Variants in PXMP2 observed in about 807,000 individuals in gnomAD.
PXMP2 encodes 22 kDa peroxisomal membrane protein.
A neutral mutation model predicts 20.2 loss-of-function variants in PXMP2; 13 were observed. The observed-to-expected ratio is 0.64, with a 90% CI of 0.42 to 1.02. PXMP2 has a LOEUF of 1.02. Among genes scored for constraint, PXMP2 ranks in the 50% least tolerant of loss-of-function variants. PXMP2 has a pLI of 0.00. For synonymous variants in PXMP2, 113 were observed against 111.2 expected (o/e 1.02, Z -0.10); for missense variants, 284 against 251.8 (o/e 1.13, Z -0.87).
chr12:132,690,544 C>CAT (rs774998193), intron 2 of PXMP2, among the ~76,000 whole-genome samples, 168 bp downstream of exon 2: 3 of 151,024 alleles, frequency 2.0e-5, no homozygotes, highest in Non-Finnish European at 4.4e-5. Context: ...GTTTGTATGG[C>CAT]ATATATACGC....
intron 4 of PXMP2, among the ~76,000 whole-genome samples, chr12:132,704,068 A>C (rs1215106143): frequency 1.3e-5 from 2 of 152,112 alleles, no homozygotes; most frequent in African/African-American, 4.8e-5. Context: ...ATGCTGCTAG[A>C]CTCGGAGACG....
At chr12:132,695,174 T>C (rs1218005672) in intron 2 of PXMP2, among the ~76,000 whole-genome samples, 1 of 151,734 alleles carries the variant, frequency 6.6e-6, no homozygotes, top group African/African-American at 2.4e-5. Flanking sequence ...AGTTAGTTAG[T>C]GAGCGCCCTT....
At chr12:132,699,916 A>T (rs532208869) in intron 3 of PXMP2, among the ~76,000 whole-genome samples, 6 of 151,560 alleles carry the variant, frequency 4.0e-5, no homozygotes, top group Non-Finnish European at 7.4e-5. Flanking sequence ...TGGTGGTTCT[A>T]TTTTCAGGTC....
At chr12:132,701,450 CCCT>C in intron 4 of PXMP2, 81 bp downstream of exon 4, 1 of 1,498,174 alleles carries the variant, frequency 6.7e-7, no homozygotes, top group Admixed American at 1.9e-5. Flanking sequence ...TTTCCTCCCC[CCCT>C]CCCTCCCCTC....
intron 4 of PXMP2, among the ~76,000 whole-genome samples, 169 bp from the exon 5 acceptor site, chr12:132,704,450 G>A (rs1724376608): frequency 6.6e-6 from 1 of 152,164 alleles, no homozygotes; most frequent in African/African-American, 2.4e-5. Flanking sequence ...TCTGCTAGGG[G>A]CCTAGCACAG....
At chr12:132,699,705 T>G (rs893766190) in intron 3 of PXMP2, among the ~76,000 whole-genome samples, 2 of 151,830 alleles carry the variant, frequency 1.3e-5, no homozygotes, top group Non-Finnish European at 2.9e-5. Context: ...GAGTTCATTC[T>G]TTTTTTTATA....
chr12:132,693,740 G>A (rs1357387934), intron 2 of PXMP2, among the ~76,000 whole-genome samples: 7 of 136,300 alleles, frequency 5.1e-5, no homozygotes, highest in African/African-American at 1.4e-4. Context: ...TTGCCAGTTA[G>A]TTAGTGAGCT....
chr12:132,699,242 C>T (rs1202328442), intron 3 of PXMP2, among the ~76,000 whole-genome samples: 1 of 151,978 alleles, frequency 6.6e-6, no homozygotes, highest in Non-Finnish European at 1.5e-5. Flanking sequence ...CAGAGTGAGA[C>T]CCCTTCTCTA....
Position 132,701,417 on chromosome 12 carries a change from T to TTTCCTTCC in PXMP2, c.519+62_519+69dup, listed in dbSNP as rs549705164. The TTTCCTTCC allele has an allele frequency of 4.4e-6, 7 of 1,585,850 alleles. No homozygotes were observed. In the African/African-American group the frequency reaches 9.4e-5, roughly 21 times the overall value. ...TCTGCTAACATTACTTTGTCAGCCTTTTCCTTCCTTCCTTCCTTCCTCTTT... is the reference window on the plus strand; with the variant it reads ...TCTGCTAACATTACTTTGTCAGCCTTTTCCTTCCTTCCTTCCTTCCTTCCTTCCTCTTT... On this transcript the variant is annotated intron_variant, in intron 4 of 4. Transcript: ENST00000317479.
At chr12:132,688,175 G>T (rs1363264432) in intron 1 of PXMP2, 2 of 190,266 alleles carry the variant, frequency 1.1e-5, no homozygotes, top group Non-Finnish European at 2.2e-5. Context: ...GGTGAAGACA[G>T]GGCGAGGGGA....
At position 132,690,425 on chromosome 12, in the gene PXMP2, C is replaced by G. The variant is rs777009456; in HGVS notation, c.236+49C>G. The G allele has an allele frequency of 2.1e-6, 3 of 1,420,788 alleles. No homozygotes were observed. In the African/African-American group the frequency reaches 4.3e-5, roughly 20 times the overall value. The allele number at this position is 1,420,788 out of a possible 1,614,324, so 88.0% of individuals were successfully genotyped here. Reference sequence around the variant, plus strand: ...TTTACCTTGTAGCCGCTGAGTGCAACCAAGCTGGGCACCAAAACCGAGTAG... The same window carrying G: ...TTTACCTTGTAGCCGCTGAGTGCAAGCAAGCTGGGCACCAAAACCGAGTAG... On this transcript the variant is annotated intron_variant, in intron 2 of 4. Transcript: ENST00000317479.
chr12:132,692,739 CT>C (rs2136061197), intron 2 of PXMP2, among the ~76,000 whole-genome samples: 1 of 127,676 alleles, frequency 7.8e-6, no homozygotes, highest in East Asian at 2.3e-4. Context: ...AGTGAGCTCC[CT>C]TAGCCAGTTA....
intron 3 of PXMP2, among the ~76,000 whole-genome samples, chr12:132,700,662 T>G (rs897375438): frequency 1.3e-5 from 2 of 152,118 alleles, no homozygotes; most frequent in African/African-American, 4.8e-5. Context: ...TGCAGAAGCT[T>G]TTTTGTTTAA....
intron 3 of PXMP2, among the ~76,000 whole-genome samples, chr12:132,698,793 A>G (rs1447463240): frequency 6.6e-6 from 1 of 151,944 alleles, no homozygotes; most frequent in Non-Finnish European, 1.5e-5. Context: ...CGCCTGGCTA[A>G]TTTTTGTATT....
chr12:132,698,685 G>A (rs551900634), intron 3 of PXMP2, among the ~76,000 whole-genome samples: 1 of 152,176 alleles, frequency 6.6e-6, no homozygotes, highest in Non-Finnish European at 1.5e-5. Context: ...GGAGTGTGGT[G>A]GCACAATATC....
At chr12:132,697,393 T>TTTTA (rs139781321) in intron 3 of PXMP2, among the ~76,000 whole-genome samples, 30,608 of 150,006 alleles carry the variant, frequency 0.2, 3,706 homozygotes, top group African/African-American at 0.33. Flanking sequence ...TGTAGTCCTA[T>TTTTA]TTTATTTATT....
At chr12:132,704,000 G>A (rs2136070063) in intron 4 of PXMP2, among the ~76,000 whole-genome samples, 1 of 152,318 alleles carries the variant, frequency 6.6e-6, no homozygotes, top group Non-Finnish European at 1.5e-5. Context: ...GGTGGGTGCA[G>A]GTGTATGCGG....
intron 3 of PXMP2, among the ~76,000 whole-genome samples, chr12:132,698,432 T>G (rs951331073): frequency 6.6e-6 from 1 of 152,240 alleles, no homozygotes; most frequent in Non-Finnish European, 1.5e-5. Context: ...AGGAAGATAA[T>G]AGAAATATTC....
chr12:132,688,353 T>TGCGG (rs2043333948), intron 1 of PXMP2, among the ~76,000 whole-genome samples: 10 of 24,640 alleles, frequency 4.1e-4, no homozygotes, highest in East Asian at 9.6e-4. Context: ...CGGGTCCTCA[T>TGCGG]GGAGCGTGTG....
Sources: gnomAD v4.1 joint callset for allele counts (sites outside exome capture counted in the v4.1 genomes callset) on GRCh38, gnomAD v4.1.1 for gene constraint, MANE v1.5 for transcripts, NCBI Gene and HGNC (gene_info 2026-07-23, HGNC 2026-07-21) for gene names.